NELL2: variants seen among roughly 807,000 people sequenced by gnomAD.
NELL2 encodes protein kinase C-binding protein NELL2.
In NELL2, 41 loss-of-function variants were observed where a neutral mutation model predicts 109.6. The ratio of observed to expected loss-of-function variants is 0.37; its 90% CI spans 0.29 to 0.49. The LOEUF is 0.49. NELL2 is among the 20% of genes least tolerant of loss of function. The pLI, the probability that NELL2 is intolerant of heterozygous loss-of-function variation, is 0.98. For missense variants in NELL2, 900 were observed against 1,008.3 expected, an observed-to-expected ratio of 0.89 and a Z score of 1.45; for synonymous variants, 355 against 344.7, an observed-to-expected ratio of 1.03 and a Z score of -0.33.
intron 12 of NELL2, among the ~76,000 whole-genome samples, chr12:44,697,381 T>C (rs1009972379): frequency 6.6e-6 from 1 of 152,092 alleles, no homozygotes; most frequent in African/African-American, 2.4e-5. Flanking sequence ...CTGGGGCCAT[T>C]TGGATACGCC....
intron 2 of NELL2, among the ~76,000 whole-genome samples, chr12:44,855,693 G>C (rs1050320559): frequency 5.9e-5 from 9 of 152,126 alleles, no homozygotes; most frequent in Non-Finnish European, 7.3e-5. Context: ...ATGAATATGA[G>C]TGTCTCTGCT....
At chr12:44,895,918 AGC>A (rs1159805448) in intron 1 of NELL2, among the ~76,000 whole-genome samples, 1 of 152,176 alleles carries the variant, frequency 6.6e-6, no homozygotes, top group East Asian at 1.9e-4. Flanking sequence ...TTTAACAATA[AGC>A]CATAATTATA....
intron 15 of NELL2, among the ~76,000 whole-genome samples, chr12:44,539,806 A>G (rs1942467322): frequency 6.6e-6 from 1 of 152,234 alleles, no homozygotes; most frequent in South Asian, 2.1e-4. Flanking sequence ...TCTAACACTT[A>G]GAAAAGAACT....
At chr12:44,768,005 C>A (rs548040233) in intron 9 of NELL2, among the ~76,000 whole-genome samples, 4 of 152,168 alleles carry the variant, frequency 2.6e-5, no homozygotes, top group Admixed American at 2.0e-4. Context: ...AAACTACTTA[C>A]ACTACCCAGG....
intron 15 of NELL2, among the ~76,000 whole-genome samples, chr12:44,550,388 C>T (rs563007390): frequency 1.3e-5 from 2 of 150,454 alleles, no homozygotes; most frequent in African/African-American, 4.9e-5. Flanking sequence ...ACTGGGATTA[C>T]AGGAACATGC....
At chr12:44,654,451 T>G (rs1054728284) in intron 13 of NELL2, among the ~76,000 whole-genome samples, 3 of 152,184 alleles carry the variant, frequency 2.0e-5, no homozygotes, top group African/African-American at 7.2e-5. Flanking sequence ...CCCTCTGATA[T>G]CTATCTCCTG....
At chr12:44,893,979 C>T (rs746236400) in intron 1 of NELL2, among the ~76,000 whole-genome samples, 1 of 152,042 alleles carries the variant, frequency 6.6e-6, no homozygotes, top group Non-Finnish European at 1.5e-5. Flanking sequence ...ACGAAAAAGA[C>T]ATACAAACTC....
At chr12:44,528,233 G>GT (rs1941895816) in intron 16 of NELL2, among the ~76,000 whole-genome samples, 1 of 143,388 alleles carries the variant, frequency 7.0e-6, no homozygotes, top group African/African-American at 2.6e-5. Context: ...TTTTTTTGTT[G>GT]TTTTTTGTTT....
At chr12:44,587,284 A>AAAAAAAAAAATATATATATATATAT in intron 15 of NELL2, among the ~76,000 whole-genome samples, 15 of 72,148 alleles carry the variant, frequency 2.1e-4, no homozygotes, top group Non-Finnish European at 2.7e-4. Context: ...AAAAAAAAAA[A>AAAAAAAAAAATATATATATATATAT]ATATATATAT....
At chr12:44,743,409 C>T (rs998351219) in intron 9 of NELL2, among the ~76,000 whole-genome samples, 3 of 152,138 alleles carry the variant, frequency 2.0e-5, no homozygotes, top group Admixed American at 6.5e-5. Flanking sequence ...AGCAAAATAA[C>T]CAGCTAACAT....
At chr12:44,740,054 C>T (rs1023818822) in intron 9 of NELL2, among the ~76,000 whole-genome samples, 21 of 152,228 alleles carry the variant, frequency 1.4e-4, no homozygotes, top group African/African-American at 5.1e-4. Context: ...TATTGTCTCG[C>T]CCTTTACAGA....
intron 13 of NELL2, among the ~76,000 whole-genome samples, chr12:44,612,844 C>T (rs895042937): frequency 3.9e-5 from 6 of 152,024 alleles, no homozygotes; most frequent in African/African-American, 1.4e-4. Flanking sequence ...TTGGACCATA[C>T]TCACCGGGTA....
At chr12:44,865,813 T>A (rs1227899498) in intron 2 of NELL2, among the ~76,000 whole-genome samples, 5 of 136,834 alleles carry the variant, frequency 3.7e-5, no homozygotes, top group Non-Finnish European at 6.2e-5. Flanking sequence ...TTAAGTATAA[T>A]AAAAAAAAAA....
intron 12 of NELL2, among the ~76,000 whole-genome samples, chr12:44,695,319 T>C (rs931002551): frequency 6.6e-6 from 1 of 150,994 alleles, no homozygotes; most frequent in Non-Finnish European, 1.5e-5. Context: ...AGAAGCAGCA[T>C]TCAATTTTTA....
At chr12:44,825,639 G>A (rs565736903) in intron 2 of NELL2, among the ~76,000 whole-genome samples, 54 of 149,870 alleles carry the variant, frequency 3.6e-4, no homozygotes, top group African/African-American at 1.1e-3. Context: ...CAGGTGATCC[G>A]ACTGCCTCGG....
intron 15 of NELL2, among the ~76,000 whole-genome samples, chr12:44,569,675 G>A (rs1943789439): frequency 6.6e-6 from 1 of 152,050 alleles, no homozygotes; most frequent in Non-Finnish European, 1.5e-5. Flanking sequence ...GTTAGGCCTT[G>A]GCACCCAGAA....
chr12:44,714,731 T>C lies in NELL2; in HGVS notation c.1005A>G (p.Gln335=), dbSNP rs371478706. Residue 335 remains glutamine, a synonymous_variant, in exon 10 of 20, where the codon CAA becomes CAG. Coordinates refer to ENST00000429094, the MANE Select transcript of NELL2 (RefSeq NM_001145108.2). ...KCCKECKSIC[Q]FQGRTYFEGE... Reference sequence around the variant, plus strand: ...CTTCAAAGTAGGTTCGTCCTTGAAATTGGCATATCGCTTTGGAGTAAAAAA... The same window carrying C: ...CTTCAAAGTAGGTTCGTCCTTGAAACTGGCATATCGCTTTGGAGTAAAAAA... 32 of 1,597,476 alleles carry C rather than the reference T, an allele frequency of 2.0e-5. No individual in the cohort carries two copies. Among genetic ancestry groups the C allele is most frequent in the Non-Finnish European group, 2.5e-5 (29 of 1,173,066 alleles).
chr12:44,831,838 C>T (rs993849640), intron 2 of NELL2, among the ~76,000 whole-genome samples: 8 of 152,034 alleles, frequency 5.3e-5, no homozygotes, highest in East Asian at 1.9e-4. Flanking sequence ...TGCATCAGCC[C>T]GGAACCACCT....
At chr12:44,761,132 T>C (rs1299065284) in intron 9 of NELL2, among the ~76,000 whole-genome samples, 1 of 152,084 alleles carries the variant, frequency 6.6e-6, no homozygotes, top group Non-Finnish European at 1.5e-5. Context: ...AAGGCCAAGG[T>C]GGGCAGATCA....
Sources: gnomAD v4.1 joint callset for allele counts (sites outside exome capture counted in the v4.1 genomes callset) on GRCh38, gnomAD v4.1.1 for gene constraint, MANE v1.5 for transcripts, NCBI Gene and HGNC (gene_info 2026-07-23, HGNC 2026-07-21) for gene names.